The following MGME1 variants were observed in gnomAD, a reference collection of about 807,000 sequenced individuals.
MGME1 encodes the protein mitochondrial genome maintenance exonuclease 1.
Under a neutral mutation model 33.0 loss-of-function variants are expected in MGME1, and 22 were observed. That is an observed-to-expected ratio of 0.67 (90% CI 0.48 to 0.95). The LOEUF is 0.95. Ranked by LOEUF, MGME1 falls within the 40% of genes least tolerant of loss-of-function variation. MGME1 has a pLI of 0.00. For missense variants in MGME1, 383 were observed against 397.8 expected, an observed-to-expected ratio of 0.96 and a Z score of 0.32; for synonymous variants, 133 against 144.0, an observed-to-expected ratio of 0.92 and a Z score of 0.55.
At chr20:17,988,098 C>T in intron 3 of MGME1, 68 bp from the exon 4 acceptor site, 1 of 1,452,434 alleles carries the variant, frequency 6.9e-7, no homozygotes, top group Non-Finnish European at 9.4e-7. Flanking sequence ...CATAAGAGAA[C>T]TGTTAACCTA....
chr20:17,984,771 C>T (rs540919353), intron 3 of MGME1, among the ~76,000 whole-genome samples: 13 of 152,010 alleles, frequency 8.6e-5, no homozygotes, highest in African/African-American at 3.1e-4. Flanking sequence ...CATGGTGGCT[C>T]ACACCTGTAA....
intron 2 of MGME1, among the ~76,000 whole-genome samples, chr20:17,973,346 C>A (rs1298410631): frequency 6.6e-6 from 1 of 151,654 alleles, no homozygotes; most frequent in Non-Finnish European, 1.5e-5. Flanking sequence ...ACATTTCCAT[C>A]TTTGTAAAAA....
chr20:17,986,280 G>A (rs1378994340), intron 3 of MGME1, among the ~76,000 whole-genome samples: 1 of 152,100 alleles, frequency 6.6e-6, no homozygotes, highest in Non-Finnish European at 1.5e-5. Flanking sequence ...TGTTGGCCAG[G>A]CTGGTCTGGA....
Position 17,990,818 on chromosome 20 carries a change from A to C in MGME1, c.*709A>C, listed in dbSNP as rs1487438381. On this transcript the variant is annotated 3_prime_UTR_variant, in exon 5 of 5. Coordinates refer to ENST00000377710, the MANE Select transcript of MGME1 (RefSeq NM_052865.4). Reference sequence around the variant, plus strand: ...CACAATTCTAAGTGTTTTAGTAACTATTTCTGGCGTGAGTCAACAGATCAT... The same window carrying C: ...CACAATTCTAAGTGTTTTAGTAACTCTTTCTGGCGTGAGTCAACAGATCAT... 1 of 152,200 alleles carries C rather than the reference A, an allele frequency of 6.6e-6. No homozygotes were observed. Among genetic ancestry groups the C allele is most frequent in the African/African-American group, 2.4e-5 (1 of 41,442 alleles). The allele number at this position is 152,200 out of a possible 1,614,324, so 9.4% of individuals were successfully genotyped here. A position where few individuals can be genotyped will look rare whatever the true frequency, so the allele number is the denominator to read the frequency against.
intron 2 of MGME1, among the ~76,000 whole-genome samples, chr20:17,973,313 C>T (rs955684015): frequency 1.3e-5 from 2 of 151,748 alleles, no homozygotes; most frequent in South Asian, 2.1e-4. Context: ...CACTGCACTC[C>T]AGCCTGGAAA....
intron 3 of MGME1, among the ~76,000 whole-genome samples, chr20:17,979,003 C>G (rs889428192): frequency 1.3e-5 from 2 of 151,972 alleles, no homozygotes; most frequent in African/African-American, 2.4e-5. Context: ...GTCTCGAGCT[C>G]CGGGCCTTGA....
In MGME1 at chr20:17,990,271, G is replaced by A; in HGVS notation, c.*162G>A. 2 of 690,492 alleles carry A rather than the reference G, an allele frequency of 2.9e-6. No individual in the cohort carries two copies. Among genetic ancestry groups the A allele is most frequent in the Non-Finnish European group, 5.0e-6 (2 of 400,066 alleles). The allele number at this position is 690,492 out of a possible 1,614,324, so 42.8% of individuals were successfully genotyped here. A position where few individuals can be genotyped will look rare whatever the true frequency, so the allele number is the denominator to read the frequency against. On this transcript the variant is annotated 3_prime_UTR_variant, in exon 5 of 5. Transcript: ENST00000377710. ...GAAATGTGTTGTTACCAAAAAGACT[G>A]AAAAGCCCCAAAGTCTAGATATAAA...
At chr20:17,969,278 G>T (rs1009466480) in intron 1 of MGME1, 137 bp downstream of exon 1, 1 of 152,354 alleles carries the variant, frequency 6.6e-6, no homozygotes, top group African/African-American at 2.4e-5. Flanking sequence ...GACTTTTTGC[G>T]GTCACAGTAA....
Position 17,977,071 on chromosome 20 carries a change from G to A in MGME1, c.731+1168G>A, listed in dbSNP as rs115378903. On this transcript the variant is annotated intron_variant, in intron 3 of 4. Transcript: ENST00000377710. The stretch of plus-strand genomic sequence containing the variant: ...GACCCCGAGAGGGTTCTTCGATCTC[G>A]GGCAAGAAAGAATTTAGGTTGAAGG... 5.7e-3 allele frequency among the ~76,000 whole-genome samples: 873 copies of A among 152,042 alleles called. 7 individuals carry two copies. The highest frequency in any genetic ancestry group is 0.02 in the African/African-American group (819 of 41,510).
At chr20:17,976,494 T>C (rs1008940991) in intron 3 of MGME1, among the ~76,000 whole-genome samples, 1 of 152,134 alleles carries the variant, frequency 6.6e-6, no homozygotes, top group Admixed American at 6.6e-5. Context: ...GCAAGGTACC[T>C]GCCATAAGAT....
At chr20:17,979,473 G>A (rs557240953) in intron 3 of MGME1, among the ~76,000 whole-genome samples, 43 of 150,920 alleles carry the variant, frequency 2.8e-4, no homozygotes, top group African/African-American at 1.0e-3. Flanking sequence ...GTGCAGTGGC[G>A]CGATCTCGGC....
intron 3 of MGME1, among the ~76,000 whole-genome samples, chr20:17,976,705 A>G (rs1233244774): frequency 6.6e-6 from 1 of 152,070 alleles, no homozygotes; most frequent in Non-Finnish European, 1.5e-5. Flanking sequence ...CTTGTTGCCC[A>G]GGCTGGAGTG....
At position 17,970,184 on chromosome 20, in the gene MGME1, A is replaced by G. The variant is rs760022547; in HGVS notation, c.325A>G (p.Ser109Gly). Residue 109 changes from serine (S) to glycine (G), a missense_variant, in exon 2 of 5, where the codon AGT becomes GGT. Physicochemically the swap from Ser to Gly is moderately conservative, Grantham distance 56. Coordinates refer to ENST00000377710, the MANE Select transcript of MGME1 (RefSeq NM_052865.4). The part of the protein sequence containing the change: ...NWFPIFNPER[S>G]DKPNASDPSV... ...GTTTCCTATCTTCAATCCAGAGAGA[A>G]GTGATAAACCAAATGCAAGTGATCC... 6.2e-7 allele frequency: 1 copy of G among 1,614,224 alleles called. No individual in the cohort carries two copies. Among genetic ancestry groups the G allele is most frequent in the South Asian group, 1.1e-5 (1 of 91,080 alleles).
At chr20:17,975,432 C>T (rs996475300) in intron 2 of MGME1, among the ~76,000 whole-genome samples, 10 of 151,914 alleles carry the variant, frequency 6.6e-5, no homozygotes, top group African/African-American at 2.4e-4. Flanking sequence ...TGGCGGGCGC[C>T]TGTAATCCCA....
chr20:17,975,341 G>A (rs547190810), intron 2 of MGME1, among the ~76,000 whole-genome samples: 15 of 151,960 alleles, frequency 9.9e-5, no homozygotes, highest in African/African-American at 3.4e-4. Context: ...GGCAGATCAC[G>A]AGGTCAGGAG....
chr20:17,969,581 G>T (rs563103144), intron 1 of MGME1, among the ~76,000 whole-genome samples: 4 of 152,184 alleles, frequency 2.6e-5, no homozygotes, highest in Non-Finnish European at 5.9e-5. Flanking sequence ...AAACTGGGAC[G>T]TCTTGCCTCA....
chr20:17,973,107 G>A (rs942821356), intron 2 of MGME1, among the ~76,000 whole-genome samples: 5 of 152,116 alleles, frequency 3.3e-5, no homozygotes, highest in African/African-American at 4.8e-5. Flanking sequence ...CACTTTGGGA[G>A]GCCGAAGCAG....
In MGME1 at chr20:17,974,061, G is replaced by GTTTTTTT. The variant is rs34206000; in HGVS notation, c.512-1606_512-1600dup. Among the ~76,000 whole-genome samples, 76 of 85,496 alleles carry GTTTTTTT rather than the reference G, an allele frequency of 8.9e-4. 3 individuals carry two copies. The highest frequency in any genetic ancestry group is 1.2e-3 in the Non-Finnish European group (52 of 42,310). 56.1% of individuals were successfully genotyped at this position (85,496 alleles called of 152,430 possible). ...TTGTGTTTGTTGAGTCTCTTTGTGT[G>GTTTTTTT]TTTTTTTTTTTTTTTTTTTTTTTGA... On this transcript the variant is annotated intron_variant, in intron 2 of 4. Transcript: ENST00000377710.
At chr20:17,971,264 G>C (rs771983494) in intron 2 of MGME1, among the ~76,000 whole-genome samples, 79 of 152,184 alleles carry the variant, frequency 5.2e-4, no homozygotes, top group Non-Finnish European at 9.7e-4. Flanking sequence ...AGTATATATA[G>C]GTGGTATTGG....
Sources: allele counts gnomAD v4.1 joint callset (sites outside exome capture counted in the v4.1 genomes callset), GRCh38; gene constraint gnomAD v4.1.1; transcripts MANE v1.5; gene names NCBI Gene and HGNC (gene_info 2026-07-23, HGNC 2026-07-21).